The following MGMT variants were observed in gnomAD, a reference collection of about 807,000 sequenced individuals.
MGMT encodes O-6-methylguanine-DNA methyltransferase, also known as methylated-DNA--protein-cysteine methyltransferase.
In MGMT, 14 loss-of-function variants were observed where a neutral mutation model predicts 15.9. The observed-to-expected ratio is 0.88, with a 90% CI of 0.58 to 1.37. The LOEUF (loss-of-function observed/expected upper bound fraction) is 1.37. MGMT is among the 40% of genes most tolerant of loss of function. The pLI is 0.00. For synonymous variants in MGMT, 130 were observed against 118.2 expected, an observed-to-expected ratio of 1.10 and a Z score of -0.65; for missense variants, 282 against 268.1, an observed-to-expected ratio of 1.05 and a Z score of -0.36.
At chr10:129,657,397 G>T in intron 2 of MGMT, among the ~76,000 whole-genome samples, 1 of 141,832 alleles carries the variant, frequency 7.1e-6, no homozygotes, top group East Asian at 2.3e-4. Flanking sequence ...GCATTCTAGG[G>T]ATTGTGGGGG....
At chr10:129,513,018 A>G (rs1204057994) in intron 1 of MGMT, among the ~76,000 whole-genome samples, 1 of 152,238 alleles carries the variant, frequency 6.6e-6, no homozygotes, top group East Asian at 1.9e-4. Flanking sequence ...TCTGTGAGTG[A>G]ACAGATACAT....
intron 2 of MGMT, among the ~76,000 whole-genome samples, chr10:129,704,048 A>G (rs1978756): frequency 0.8 from 122,127 of 152,002 alleles, 49,329 homozygotes; most frequent in African/African-American, 0.89. Context: ...CGCCTTCCCC[A>G]GGGATCAGGA....
chr10:129,494,524 A>G lies in MGMT; in HGVS notation c.-13+27228A>G, dbSNP rs539389385. Among the ~76,000 whole-genome samples the G allele has an allele frequency of 2.6e-5, 4 of 152,338 alleles. No individual in the cohort carries two copies. The South Asian group carries it at 8.3e-4, about 32-fold the overall frequency. On this transcript the variant is annotated intron_variant, in intron 1 of 4. Coordinates refer to ENST00000651593, the MANE Select transcript of MGMT (RefSeq NM_002412.5). Reference sequence around the variant, plus strand: ...AATATGTGCAATGACAGGATTGGCCAGGGCTTTCCAACAGAAGTTTTTGCA... The same window carrying G: ...AATATGTGCAATGACAGGATTGGCCGGGGCTTTCCAACAGAAGTTTTTGCA...
In MGMT at chr10:129,491,271, A is replaced by G. The variant is rs186064432; in HGVS notation, c.-13+23975A>G. Among the ~76,000 whole-genome samples, 7 of 152,304 alleles carry G rather than the reference A, an allele frequency of 4.6e-5. No individual in the cohort carries two copies. In the East Asian group the frequency reaches 1.2e-3, roughly 25 times the overall value. Reference sequence around the variant, plus strand: ...AATTCTTTACCTTATAAAATATGACATTCCATCGTCTTCTGGTTTCTGAAG... The same window carrying G: ...AATTCTTTACCTTATAAAATATGACGTTCCATCGTCTTCTGGTTTCTGAAG... On this transcript the variant is annotated intron_variant, in intron 1 of 4. Transcript: ENST00000651593.
At chr10:129,527,018 G>A (rs889960076) in intron 1 of MGMT, among the ~76,000 whole-genome samples, 15 of 152,244 alleles carry the variant, frequency 9.9e-5, no homozygotes, top group Admixed American at 2.0e-4. Context: ...AGCCACTCAT[G>A]TGGTTTAGGT....
At position 129,659,880 on chromosome 10, in the gene MGMT, G is replaced by A. The variant is rs907644513; in HGVS notation, c.126-48015G>A. Among the ~76,000 whole-genome samples the A allele has an allele frequency of 7.2e-5, 11 of 152,192 alleles. No homozygotes were observed. Among genetic ancestry groups the A allele is most frequent in the East Asian group, 1.9e-4 (1 of 5,188 alleles). On this transcript the variant is annotated intron_variant, in intron 2 of 4. Transcript: ENST00000651593. This position sits in a 1 kb window ranked among gnomAD's most constrained non-coding sequence, Gnocchi z 4.1. ...GATGTTTGGGCACGGGCGACAGGACGTAGGGTGGTCATCCGAATATCCCTG... is the reference window on the plus strand; with the variant it reads ...GATGTTTGGGCACGGGCGACAGGACATAGGGTGGTCATCCGAATATCCCTG...
intron 2 of MGMT, among the ~76,000 whole-genome samples, chr10:129,547,965 G>A (rs964478274): frequency 6.6e-6 from 1 of 152,218 alleles, no homozygotes; most frequent in Non-Finnish European, 1.5e-5. Context: ...TCTCTCGTCA[G>A]CCGAAGGTTG....
intron 3 of MGMT, among the ~76,000 whole-genome samples, chr10:129,723,383 A>G (rs574000301): frequency 5.1e-4 from 78 of 152,322 alleles, no homozygotes; most frequent in Non-Finnish European, 8.5e-4. Context: ...ATTATTCACC[A>G]TGACCTTGAC....
chr10:129,676,160 AT>A lies in MGMT; in HGVS notation c.126-31734del, dbSNP rs533627940. ...AAGCCACCATCCTGTGCGTGAATCA[AT>A]GGAAGGCAAGGCTGGACTCACCCCC... is the stretch of plus-strand genomic sequence containing the variant. On this transcript the variant is annotated intron_variant, in intron 2 of 4. Coordinates refer to ENST00000651593, the MANE Select transcript of MGMT (RefSeq NM_002412.5). Among the ~76,000 whole-genome samples, 53 of 152,298 alleles carry A rather than the reference AT, an allele frequency of 3.5e-4. No homozygotes were observed. In the East Asian group the frequency reaches 0.01, roughly 29 times the overall value.
intron 3 of MGMT, among the ~76,000 whole-genome samples, chr10:129,748,874 C>T (rs1216436998): frequency 6.6e-6 from 1 of 152,152 alleles, no homozygotes; most frequent in East Asian, 1.9e-4. Context: ...ATTATTCAAG[C>T]CCAGTATACA....
chr10:129,480,127 C>T (rs1361750195), intron 1 of MGMT, among the ~76,000 whole-genome samples: 1 of 152,174 alleles, frequency 6.6e-6, no homozygotes, highest in Non-Finnish European at 1.5e-5. Flanking sequence ...CTAGCTTCTC[C>T]TGCTTCATTC....
At chr10:129,703,867 G>A (rs1848127395) in intron 2 of MGMT, among the ~76,000 whole-genome samples, 1 of 152,128 alleles carries the variant, frequency 6.6e-6, no homozygotes, top group African/African-American at 2.4e-5. Flanking sequence ...CCAGGCCCAG[G>A]TGGCTTGATC....
chr10:129,617,750 T>C (rs1277667014), intron 2 of MGMT, among the ~76,000 whole-genome samples: 1 of 152,128 alleles, frequency 6.6e-6, no homozygotes, highest in Admixed American at 6.6e-5. Flanking sequence ...TGTTTGTTCA[T>C]GTCCTTTGCC....
At chr10:129,738,144 T>G (rs901406528) in intron 3 of MGMT, among the ~76,000 whole-genome samples, 1 of 151,918 alleles carries the variant, frequency 6.6e-6, no homozygotes, top group African/African-American at 2.4e-5. Context: ...CGGGTGCCCC[T>G]CCCCAAGCCT....
chr10:129,714,517 A>G (rs1369337476), intron 3 of MGMT, among the ~76,000 whole-genome samples: 6 of 152,188 alleles, frequency 3.9e-5, no homozygotes, highest in Non-Finnish European at 7.3e-5. Flanking sequence ...AGAATCCTCT[A>G]GACATTTCAT....
rs144695502 is a variant in MGMT at position 129,612,946 on chromosome 10, G to A, written c.125+76569G>A. 2.8e-3 allele frequency among the ~76,000 whole-genome samples: 431 copies of A among 152,280 alleles called. 4 individuals carry two copies. Among genetic ancestry groups the A allele is most frequent in the African/African-American group, 9.6e-3 (399 of 41,560 alleles). On this transcript the variant is annotated intron_variant, in intron 2 of 4. Coordinates refer to ENST00000651593, the MANE Select transcript of MGMT (RefSeq NM_002412.5). ...CTGGTCACAGCTGCGGTGACATCCT[G>A]TAACATTGTTTGGTCCTTGCTTAAA...
intron 1 of MGMT, among the ~76,000 whole-genome samples, chr10:129,475,469 T>C (rs112546340): frequency 1.7e-4 from 26 of 152,316 alleles, no homozygotes; most frequent in African/African-American, 5.3e-4. Context: ...CCTAGAATAA[T>C]GGGCGAAGAA....
Position 129,759,356 on chromosome 10 carries a change from C to T in MGMT, c.414+15C>T, listed in dbSNP as rs371806755. 3.3e-4 allele frequency: 533 copies of T among 1,613,926 alleles called. 2 individuals carry two copies. The Middle Eastern group carries it at 4.0e-3, about 12-fold the overall frequency. On this transcript the variant is annotated intron_variant, in intron 4 of 4. Coordinates refer to ENST00000651593, the MANE Select transcript of MGMT (RefSeq NM_002412.5). ...GAGGCAATCCTGTGAGTTCTCATGGCGCAAGCATGGCTGTGGGTGGCGGGT... is the reference window on the plus strand; with the variant it reads ...GAGGCAATCCTGTGAGTTCTCATGGTGCAAGCATGGCTGTGGGTGGCGGGT...
At chr10:129,567,049 G>A (rs1846363009) in intron 2 of MGMT, among the ~76,000 whole-genome samples, 2 of 152,262 alleles carry the variant, frequency 1.3e-5, no homozygotes, top group East Asian at 1.9e-4. Context: ...GAGGCAGCTC[G>A]TGTTTTCGAG....
Sources: allele counts gnomAD v4.1 joint callset (sites outside exome capture counted in the v4.1 genomes callset), GRCh38; gene constraint gnomAD v4.1.1; non-coding constraint Gnocchi (gnomAD v3.1); transcripts MANE v1.5; gene names NCBI Gene and HGNC (gene_info 2026-07-23, HGNC 2026-07-21).